GAA: variants seen among roughly 807,000 people sequenced by gnomAD.
GAA encodes lysosomal alpha-glucosidase.
GAA carries 88 observed loss-of-function variants against 103.9 expected under a neutral mutation model. The ratio of observed to expected loss-of-function variants is 0.85; its 90% confidence interval spans 0.71 to 1.01. GAA has a LOEUF of 1.01. GAA is among the 50% of genes least tolerant of loss of function. The pLI is 0.00. For missense variants in GAA, 1,350 were observed against 1,305.3 expected (o/e 1.03, Z -0.53); for synonymous variants, 572 against 563.1 (o/e 1.02, Z -0.22).
Position 80,117,040 on chromosome 17 carries a change from A to C in GAA, c.2262A>C (p.Pro754=). 1 of 1,613,624 alleles carries C rather than the reference A, an allele frequency of 6.2e-7. No individual in the cohort carries two copies. Among genetic ancestry groups the C allele is most frequent in the Non-Finnish European group, 8.5e-7 (1 of 1,180,018 alleles). ...LLWGEALLIT[P]VLQAGKAEVT... is the part of the protein sequence containing the mutation. ...GGGGGGAGGCCCTGCTCATCACCCC[A>C]GTGCTCCAGGCCGGGAAGGCCGAAG... Residue 754 remains proline (P), a synonymous_variant, in exon 16 of 20, where the codon CCA becomes CCC. Transcript: ENST00000302262.
At position 80,117,651 on chromosome 17, in the gene GAA, G is replaced by T. The variant is rs886043882; in HGVS notation, c.2383G>T (p.Glu795Ter). The change falls in exon 17 of 20, where the codon GAG becomes TAG. Residue 795 changes from glutamate (E) to a stop codon, truncating the protein, a stop_gained. Coordinates refer to ENST00000302262, the MANE Select transcript of GAA (RefSeq NM_000152.5). LOFTEE classifies it high-confidence loss of function. ...SLPPPPAAPR[E>*]PAIHSEGQWV... is the part of the protein sequence containing the mutation. Reference sequence around the variant, plus strand: ...CCCACCCCCACCTGCAGCTCCCCGTGAGCCAGCCATCCACAGCGAGGGGCA... The same window carrying T: ...CCCACCCCCACCTGCAGCTCCCCGTTAGCCAGCCATCCACAGCGAGGGGCA... 2 of 1,612,858 alleles carry T rather than the reference G, an allele frequency of 1.2e-6. No individual in the cohort carries two copies. Among genetic ancestry groups the T allele is most frequent in the Non-Finnish European group, 8.5e-7 (1 of 1,179,968 alleles).
rs190889375 is a variant in GAA, at chr17:80,108,593, G to A, written c.1180G>A (p.Ala394Thr). 1.2e-6 allele frequency: 2 copies of A among 1,612,780 alleles called. No individual in the cohort carries two copies. The highest frequency in any genetic ancestry group is 2.2e-5 in the East Asian group (1 of 44,874). The change falls in exon 7 of 20, where the codon GCC (alanine) becomes ACC (threonine). Residue 394 changes from alanine (A) to threonine (T), a missense_variant. Transcript: ENST00000302262. ...TRQVVENMTR[A>T]HFPLDVQWND... The stretch of plus-strand genomic sequence containing the variant: ...CCAGGTGGTGGAGAACATGACCAGG[G>A]CCCACTTCCCCCTGGTGAGTTGGGG...
intron 3 of GAA, 31 bp downstream of exon 3, chr17:80,105,925 G>T: frequency 6.4e-7 from 1 of 1,570,524 alleles, no homozygotes; most frequent in Non-Finnish European, 8.6e-7. Context: ...CAGCATGATG[G>T]GGAGGGCGAC....
At chr17:80,111,242 C>T (rs972017801) in intron 11 of GAA, among the ~76,000 whole-genome samples, 5 of 152,308 alleles carry the variant, frequency 3.3e-5, no homozygotes, top group South Asian at 2.1e-4. Flanking sequence ...GAGGAGACGC[C>T]GCTCACAGGT....
In GAA at chr17:80,101,809, A is replaced by G. The variant is rs1055811035; in HGVS notation, c.-114A>G. 2 of 152,200 alleles carry G rather than the reference A, an allele frequency of 1.3e-5. No individual in the cohort carries two copies. The highest frequency in any genetic ancestry group is 2.9e-5 in the Non-Finnish European group (2 of 68,058). The allele number at this position is 152,200 out of a possible 1,614,324, so 9.4% of individuals were successfully genotyped here. A position where few individuals can be genotyped will look rare whatever the true frequency, so the allele number is the denominator to read the frequency against. On this transcript the variant is annotated 5_prime_UTR_variant, in exon 1 of 20. Coordinates refer to ENST00000302262, the MANE Select transcript of GAA (RefSeq NM_000152.5). ...GACGCGAAGGACCCCGGCCACCTCTAGGTTCTCCTCGTCCGCCCGTTGTTC... is the reference window on the plus strand; with the variant it reads ...GACGCGAAGGACCCCGGCCACCTCTGGGTTCTCCTCGTCCGCCCGTTGTTC...
At chr17:80,113,066 A>G (rs760784660) in intron 14 of GAA, 39 bp downstream of exon 14, 1 of 1,566,548 alleles carries the variant, frequency 6.4e-7, no homozygotes, top group Admixed American at 1.8e-5. Context: ...GGGCGATCCC[A>G]CCCACCCAAG....
rs776149976 is a variant in GAA at position 80,110,106 on chromosome 17, A to AG, written c.1437+56dup. 5.6e-6 allele frequency: 8 copies of AG among 1,440,274 alleles called. No homozygotes were observed. The South Asian group carries it at 9.2e-5, about 16-fold the overall frequency. The allele number at this position is 1,440,274 out of a possible 1,614,324, so 89.2% of individuals were successfully genotyped here. ...GGTTAGAAAGCAGAGGCCTCCAGCC[A>AG]GGGGGAGCCGGCAGCTGCTCAGGAA... On this transcript the variant is annotated intron_variant, in intron 9 of 19. Transcript: ENST00000302262.
chr17:80,109,818 C>T, intron 8 of GAA, 127 bp from the exon 9 acceptor site: 2 of 692,556 alleles, frequency 2.9e-6, no homozygotes, highest in Non-Finnish European at 5.1e-6. Context: ...TGCAGGTACA[C>T]AGGCAGGCAT....
chr17:80,112,368 G>T (rs1258880761), intron 12 of GAA: 2 of 670,352 alleles, frequency 3.0e-6, no homozygotes, highest in Non-Finnish European at 5.1e-6. Context: ...CTCCTGTGAG[G>T]CTGGGGGGGG....
chr17:80,104,491 T>C lies in GAA; in HGVS notation c.-32-64T>C. 1 of 1,244,814 alleles carries C rather than the reference T, an allele frequency of 8.0e-7. No homozygotes were observed. The highest frequency in any genetic ancestry group is 1.1e-6 in the Non-Finnish European group (1 of 908,752). 77.1% of individuals were successfully genotyped at this position (1,244,814 alleles called of 1,614,324 possible). On this transcript the variant is annotated intron_variant, in intron 1 of 19. Transcript: ENST00000302262. This position sits in a 1 kb window ranked among gnomAD's most constrained non-coding sequence, Gnocchi z 4.0. ...GCCGCGGTTGATGTCTCAGAGCTGC[T>C]TTGAGAGCCCCGTGAGTGCCGCCCC...
In GAA at chr17:80,116,997, T is replaced by C; in HGVS notation, c.2219T>C (p.Val740Ala). The change falls in exon 16 of 20, where the codon GTG becomes GCG. Residue 740 changes from valine to alanine, a missense_variant. By Grantham distance (64) the Val-to-Ala change is moderately conservative. Coordinates refer to ENST00000302262, the MANE Select transcript of GAA (RefSeq NM_000152.5). ...EFPKDSSTWT[V>A]DHQLLWGEAL... Reference sequence around the variant, plus strand: ...CCCAAGGACTCTAGCACCTGGACTGTGGACCACCAGCTCCTGTGGGGGGAG... The same window carrying C: ...CCCAAGGACTCTAGCACCTGGACTGCGGACCACCAGCTCCTGTGGGGGGAG... 6.2e-7 allele frequency: 1 copy of C among 1,613,784 alleles called. No individual in the cohort carries two copies. Among genetic ancestry groups the C allele is most frequent in the Non-Finnish European group, 8.5e-7 (1 of 1,180,018 alleles).
rs144155165 is a variant in GAA at position 80,110,027 on chromosome 17, A to C, written c.1409A>C (p.Asn470Thr). The change falls in exon 9 of 20, where the codon AAC becomes ACC. Residue 470 changes from asparagine to threonine, a missense_variant. Transcript: ENST00000302262. Reference sequence around the variant, plus strand: ...CTGCGGAGGGGGGTTTTCATCACCAACGAGACCGGCCAGCCGCTGATTGGG... The same window carrying C: ...CTGCGGAGGGGGGTTTTCATCACCACCGAGACCGGCCAGCCGCTGATTGGG... ...EGLRRGVFITNETGQPLIGKV... is the reference protein window; with the variant it reads ...EGLRRGVFITTETGQPLIGKV... 1.5e-5 allele frequency: 24 copies of C among 1,613,020 alleles called. No individual in the cohort carries two copies. Among genetic ancestry groups the C allele is most frequent in the African/African-American group, 1.1e-4 (8 of 74,918 alleles).
chr17:80,119,120 C>A, intron 19 of GAA, 152 bp from the exon 20 acceptor site: 1 of 885,438 alleles, frequency 1.1e-6, no homozygotes, highest in Non-Finnish European at 1.9e-6. Flanking sequence ...GAACCGGGTG[C>A]GAAGCATCCC....
Position 80,112,228 on chromosome 17 carries a change from G to A in GAA, c.1754+128G>A, listed in dbSNP as rs1012940842. 3.1e-5 allele frequency: 29 copies of A among 930,504 alleles called. No individual in the cohort carries two copies. The East Asian group carries it at 3.5e-4, about 11-fold the overall frequency. 57.6% of individuals were successfully genotyped at this position (930,504 alleles called of 1,614,324 possible). On this transcript the variant is annotated intron_variant, in intron 12 of 19. Transcript: ENST00000302262. ...ACCACCCGGGGCCCGCTGGCGGCCC[G>A]AGTGCTCTCCCCACCCGCTGCCTGC...
intron 15 of GAA, among the ~76,000 whole-genome samples, chr17:80,115,613 C>G (rs1251211131): frequency 6.6e-6 from 1 of 152,198 alleles, no homozygotes; most frequent in East Asian, 1.9e-4. Flanking sequence ...GTCCCCCCAT[C>G]TGTGGGCCAT....
At chr17:80,106,496 T>A (rs1274441345) in intron 3 of GAA, among the ~76,000 whole-genome samples, 1 of 150,396 alleles carries the variant, frequency 6.6e-6, no homozygotes, top group East Asian at 2.0e-4. Flanking sequence ...GTGGCCTCTC[T>A]GGAAGCCAGC....
Position 80,105,729 on chromosome 17 carries a change from TA to T in GAA, c.547-17del. On this transcript the variant is annotated intron_variant, in intron 2 of 19. Coordinates refer to ENST00000302262, the MANE Select transcript of GAA (RefSeq NM_000152.5). ...GTAAGGTGGCTGTGGGGAACATCAA[TA>T]AACCCCCATCTCTTCTAGATCAAAG... 6.2e-7 allele frequency: 1 copy of T among 1,611,364 alleles called. No homozygotes were observed.
intron 15 of GAA, among the ~76,000 whole-genome samples, chr17:80,114,861 GA>G (rs1279703560): frequency 6.6e-6 from 1 of 152,176 alleles, no homozygotes; most frequent in Non-Finnish European, 1.5e-5. Context: ...GTTGACTTCA[GA>G]GTCTCTTAAT....
At chr17:80,118,437 G>T in intron 18 of GAA, 80 bp downstream of exon 18, 3 of 1,528,540 alleles carry the variant, frequency 2.0e-6, no homozygotes, top group Non-Finnish European at 2.7e-6. Flanking sequence ...GGGCTTGGGG[G>T]TCCCACGATG....
Sources: gnomAD v4.1 joint callset for allele counts (sites outside exome capture counted in the v4.1 genomes callset) on GRCh38, gnomAD v4.1.1 for gene constraint, Gnocchi (gnomAD v3.1) non-coding constraint, MANE v1.5 for transcripts, NCBI Gene and HGNC (gene_info 2026-07-23, HGNC 2026-07-21) for gene names.